CAMTA1: variants seen among roughly 807,000 people sequenced by gnomAD.
CAMTA1 encodes the protein calmodulin binding transcription activator 1, also known as calmodulin-binding transcription activator 1.
In CAMTA1, 27 loss-of-function variants were observed where a neutral mutation model predicts 170.9. That is an observed-to-expected ratio of 0.16 (90% CI 0.12 to 0.22). The LOEUF is 0.22. Ranked by LOEUF, CAMTA1 falls within the 10% of genes least tolerant of loss-of-function variation. The probability of loss-of-function intolerance (pLI) is 1.00; values close to 1 mark genes in which losing one functional copy is unlikely to be tolerated. For missense variants in CAMTA1, 1,619 were observed against 2,217.2 expected, an observed-to-expected ratio of 0.73 and a Z score of 5.42; for synonymous variants, 833 against 891.5, an observed-to-expected ratio of 0.93 and a Z score of 1.17.
At chr1:7,349,444 G>A (rs1378388889) in intron 5 of CAMTA1, among the ~76,000 whole-genome samples, 1 of 152,214 alleles carries the variant, frequency 6.6e-6, no homozygotes, top group Admixed American at 6.5e-5. Flanking sequence ...TCATTGACAT[G>A]TGTCCTCTGT....
intron 3 of CAMTA1, among the ~76,000 whole-genome samples, chr1:7,069,412 A>G (rs1028476027): frequency 6.6e-6 from 1 of 152,196 alleles, no homozygotes; most frequent in African/African-American, 2.4e-5. Context: ...TTCCATCGGG[A>G]TCACAGTGAT....
intron 6 of CAMTA1, among the ~76,000 whole-genome samples, chr1:7,558,695 AGAG>A (rs1278110045): frequency 6.6e-6 from 1 of 152,194 alleles, no homozygotes; most frequent in East Asian, 1.9e-4. Context: ...TCTGGGGTGC[AGAG>A]GAGAAGCAGG....
In CAMTA1 at chr1:7,640,445, G is replaced by A. The variant is rs1167802383; in HGVS notation, c.556G>A (p.Glu186Lys). ...LVHYLNVPAIEDCGKPCGPIL... is the reference protein window; with the variant it reads ...LVHYLNVPAIKDCGKPCGPIL... ...GCACTACCTGAACGTGCCGGCCATC[G>A]AGGACTGCGGCAAGCCTTGCGGCCC... Residue 186 changes from glutamate (E) to lysine (K), a missense_variant, in exon 7 of 23, where the codon GAG (glutamate) becomes AAG (lysine). Around this residue, in one of 8 missense-constraint regions of CAMTA1, gnomAD observed 97 missense variants for 225.4 expected, o/e 0.43. Transcript: ENST00000303635. The A allele has an allele frequency of 2.5e-6, 4 of 1,614,090 alleles. No individual in the cohort carries two copies. The highest frequency in any genetic ancestry group is 2.2e-5 in the East Asian group (1 of 44,862).
chr1:7,589,595 C>T (rs1299367649), intron 6 of CAMTA1, among the ~76,000 whole-genome samples: 2 of 152,158 alleles, frequency 1.3e-5, no homozygotes, highest in Non-Finnish European at 1.5e-5. Flanking sequence ...CTCCAGATAT[C>T]CTTCCCTCGA....
chr1:7,507,147 C>A (rs900627546), intron 6 of CAMTA1, among the ~76,000 whole-genome samples: 4 of 148,982 alleles, frequency 2.7e-5, no homozygotes, highest in Non-Finnish European at 4.4e-5. Context: ...CTCACACTCA[C>A]TCCCACACTC....
intron 1 of CAMTA1, among the ~76,000 whole-genome samples, chr1:6,800,166 G>A (rs759883014): frequency 1.3e-5 from 2 of 152,104 alleles, no homozygotes; most frequent in Non-Finnish European, 2.9e-5. Context: ...AGCACTTTGG[G>A]AGGCCGAGAC....
intron 3 of CAMTA1, among the ~76,000 whole-genome samples, chr1:6,865,617 A>G (rs890408971): frequency 6.6e-6 from 1 of 152,232 alleles, no homozygotes; most frequent in Admixed American, 6.5e-5. Flanking sequence ...TAAGAGGATC[A>G]GTATAATCAT....
intron 3 of CAMTA1, among the ~76,000 whole-genome samples, chr1:6,893,775 C>G (rs751754111): frequency 1.3e-5 from 2 of 152,188 alleles, no homozygotes; most frequent in South Asian, 4.1e-4. Context: ...TGTCAGGCTG[C>G]GAGGGAAGGG....
rs533552894 is a variant in CAMTA1 at position 7,209,178 on chromosome 1, G to T, written c.303-40313G>T. On this transcript the variant is annotated intron_variant, in intron 4 of 22. Transcript: ENST00000303635. ...CCTTGATGCGCAGAGATGCTCTAGA[G>T]TCTACGCTGTTAAAAAGAGGTTAGG... Among the ~76,000 whole-genome samples, 3 of 152,304 alleles carry T rather than the reference G, an allele frequency of 2.0e-5. No homozygotes were observed. The South Asian group carries it at 6.2e-4, about 32-fold the overall frequency.
chr1:7,471,156 T>C (rs1408798457), intron 6 of CAMTA1, among the ~76,000 whole-genome samples: 2 of 152,216 alleles, frequency 1.3e-5, no homozygotes, highest in Non-Finnish European at 2.9e-5. Flanking sequence ...GGGAGGGTGC[T>C]ACCTCTCTGT....
At chr1:7,033,827 C>T (rs1195131647) in intron 3 of CAMTA1, among the ~76,000 whole-genome samples, 1 of 152,042 alleles carries the variant, frequency 6.6e-6, no homozygotes, top group Admixed American at 6.5e-5. Flanking sequence ...CGCCTGACCC[C>T]AAGTGATCCA....
chr1:7,466,927 G>C (rs778647280), intron 5 of CAMTA1, among the ~76,000 whole-genome samples: 4 of 152,144 alleles, frequency 2.6e-5, no homozygotes, highest in Non-Finnish European at 5.9e-5. Flanking sequence ...TGGATTGCAA[G>C]AGGGACCTGA....
intron 3 of CAMTA1, among the ~76,000 whole-genome samples, chr1:7,012,740 T>G (rs1258725321): frequency 2.0e-5 from 3 of 152,124 alleles, no homozygotes; most frequent in Admixed American, 6.5e-5. Flanking sequence ...TCTTCCTCAG[T>G]TTCCCCCCAC....
intron 4 of CAMTA1, among the ~76,000 whole-genome samples, chr1:7,148,377 A>C (rs1196947026): frequency 6.0e-5 from 9 of 151,218 alleles, no homozygotes; most frequent in African/African-American, 2.2e-4. Flanking sequence ...CACACCACAC[A>C]CTCAAATATG....
intron 11 of CAMTA1, among the ~76,000 whole-genome samples, chr1:7,715,373 C>A (rs540817413): frequency 2.4e-4 from 37 of 152,048 alleles, no homozygotes; most frequent in African/African-American, 8.7e-4. Context: ...CTGTAAGGAT[C>A]TGCAGATTGC....
chr1:7,112,234 A>G (rs922726425), intron 4 of CAMTA1, among the ~76,000 whole-genome samples: 2 of 152,100 alleles, frequency 1.3e-5, no homozygotes, highest in Non-Finnish European at 2.9e-5. Context: ...GCTTCCTTCA[A>G]ACCCATTCTC....
intron 3 of CAMTA1, among the ~76,000 whole-genome samples, chr1:7,000,612 G>A (rs1342782069): frequency 1.3e-5 from 2 of 152,214 alleles, no homozygotes; most frequent in Non-Finnish European, 2.9e-5. Context: ...TTGGCCCGTG[G>A]AAGTCCAAGG....
At chr1:6,852,531 G>A (rs1660793614) in intron 3 of CAMTA1, among the ~76,000 whole-genome samples, 1 of 152,160 alleles carries the variant, frequency 6.6e-6, no homozygotes, top group East Asian at 1.9e-4. Flanking sequence ...CAGATTCAGT[G>A]ATTTGCTAGA....
intron 6 of CAMTA1, among the ~76,000 whole-genome samples, chr1:7,548,178 C>T (rs2094726053): frequency 6.6e-6 from 1 of 152,174 alleles, no homozygotes. Flanking sequence ...CTGGTCATGC[C>T]CTGTATGGGT....
Sources: allele counts gnomAD v4.1 joint callset (sites outside exome capture counted in the v4.1 genomes callset), GRCh38; gene constraint gnomAD v4.1.1; regional missense constraint gnomAD v4.1.1; transcripts MANE v1.5; gene names NCBI Gene and HGNC (gene_info 2026-07-23, HGNC 2026-07-21).